The following RGS22 variants were observed in gnomAD, a reference collection of about 807,000 sequenced individuals.
RGS22 encodes regulator of G-protein signaling 22.
Under a neutral mutation model 172.9 loss-of-function variants are expected in RGS22, and 148 were observed. The ratio of observed to expected loss-of-function variants is 0.86; its 90% CI spans 0.75 to 0.98. The LOEUF (loss-of-function observed/expected upper bound fraction) is 0.98, where lower values mean the gene tolerates loss of function less well. Ranked by LOEUF, RGS22 falls within the 50% of genes least tolerant of loss-of-function variation. RGS22 has a pLI of 0.00. For missense variants in RGS22, 1,347 were observed against 1,440.8 expected (o/e 0.93, Z 1.05); for synonymous variants, 458 against 480.2 (o/e 0.95, Z 0.60).
intron 14 of RGS22, among the ~76,000 whole-genome samples, chr8:100,027,378 G>A (rs767888072): frequency 6.6e-6 from 1 of 152,084 alleles, no homozygotes; most frequent in Non-Finnish European, 1.5e-5. Flanking sequence ...AACATTACTT[G>A]GCACATAGCA....
At chr8:100,105,459 A>T in intron 1 of RGS22, 57 bp from the exon 2 acceptor site, 1 of 1,447,276 alleles carries the variant, frequency 6.9e-7, no homozygotes, top group Admixed American at 1.7e-5. Context: ...CTTTGAGTAA[A>T]TGAAATCATG....
chr8:100,017,124 C>A (rs1471392126), intron 14 of RGS22, among the ~76,000 whole-genome samples: 2 of 150,940 alleles, frequency 1.3e-5, no homozygotes, highest in African/African-American at 2.4e-5. Flanking sequence ...ACTTTCATCA[C>A]CATGCTCCAC....
At position 100,004,066 on chromosome 8, in the gene RGS22, T is replaced by A; in HGVS notation, c.2487A>T (p.Leu829Phe). Residue 829 changes from leucine to phenylalanine, a missense_variant, in exon 17 of 28, where the codon TTA (leucine) becomes TTT (phenylalanine). Physicochemically the swap from Leu to Phe is conservative, Grantham distance 22. Coordinates refer to ENST00000360863, the MANE Select transcript of RGS22 (RefSeq NM_015668.5). ...DTTCEIGTGI[L>F]SLSNVSKRTE... ...TTCGTTTAGAGACGTTAGAGAGTGATAAAATGCCAGTTCCAATTTCACAAG... is the reference window on the plus strand; with the variant it reads ...TTCGTTTAGAGACGTTAGAGAGTGAAAAAATGCCAGTTCCAATTTCACAAG... The A allele has an allele frequency of 6.2e-7, 1 of 1,603,004 alleles. No individual in the cohort carries two copies. The highest frequency in any genetic ancestry group is 8.5e-7 in the Non-Finnish European group (1 of 1,174,174).
intron 11 of RGS22, among the ~76,000 whole-genome samples, chr8:100,045,593 T>A (rs542435414): frequency 3.6e-4 from 55 of 152,184 alleles, no homozygotes; most frequent in African/African-American, 1.3e-3. Flanking sequence ...GGCACTCTTA[T>A]ACAAGCTGAA....
At chr8:100,013,135 G>A (rs1816589175) in intron 14 of RGS22, among the ~76,000 whole-genome samples, 2 of 151,872 alleles carry the variant, frequency 1.3e-5, no homozygotes, top group African/African-American at 4.8e-5. Context: ...GACTACAGGT[G>A]TCCACCACCA....
At chr8:100,071,076 AG>A (rs1214220525) in intron 6 of RGS22, among the ~76,000 whole-genome samples, 1 of 152,118 alleles carries the variant, frequency 6.6e-6, no homozygotes, top group African/African-American at 2.4e-5. Context: ...TGAGCCTAGG[AG>A]TTCGAGACCA....
chr8:99,980,081 G>A (rs1812387576), intron 22 of RGS22, among the ~76,000 whole-genome samples: 1 of 152,132 alleles, frequency 6.6e-6, no homozygotes, highest in Non-Finnish European at 1.5e-5. Flanking sequence ...GCAGTGGGAA[G>A]TATCTGAAAT....
At chr8:99,986,321 A>G (rs537448738) in intron 21 of RGS22, among the ~76,000 whole-genome samples, 10 of 152,364 alleles carry the variant, frequency 6.6e-5, no homozygotes, top group South Asian at 2.1e-4. Context: ...ATTTTACTGT[A>G]TGTTGGAAAA....
chr8:99,990,949 C>T (rs900585959), intron 20 of RGS22, among the ~76,000 whole-genome samples: 14 of 152,136 alleles, frequency 9.2e-5, no homozygotes, highest in South Asian at 6.2e-4. Flanking sequence ...CTGCAGCCTC[C>T]GCTGGTGATA....
At chr8:100,088,724 G>T (rs1030117662) in intron 3 of RGS22, among the ~76,000 whole-genome samples, 9 of 152,106 alleles carry the variant, frequency 5.9e-5, no homozygotes, top group East Asian at 5.8e-4. Context: ...TGTCCCAAGG[G>T]TATAATGGTG....
At chr8:100,060,460 A>G (rs1810043560) in intron 9 of RGS22, among the ~76,000 whole-genome samples, 2 of 148,728 alleles carry the variant, frequency 1.3e-5, no homozygotes, top group South Asian at 4.3e-4. Flanking sequence ...ACTTTATGAA[A>G]TACCAATCAT....
intron 14 of RGS22, among the ~76,000 whole-genome samples, chr8:100,017,941 A>G (rs1320132197): frequency 1.3e-5 from 2 of 152,198 alleles, no homozygotes; most frequent in Admixed American, 6.5e-5. Context: ...ACATTCAAGC[A>G]GAGATTCACT....
At chr8:100,080,464 T>C (rs185848225) in intron 3 of RGS22, 109 bp from the exon 4 acceptor site, 51 of 754,520 alleles carry the variant, frequency 6.8e-5, no homozygotes, top group Admixed American at 1.1e-4. Flanking sequence ...CAGAGTTCTG[T>C]GTTTGTAATC....
At chr8:100,052,749 T>C (rs1237198558) in intron 10 of RGS22, 53 bp downstream of exon 10, 2 of 1,482,150 alleles carry the variant, frequency 1.3e-6, no homozygotes, top group African/African-American at 1.4e-5. Context: ...CACTCAAGCA[T>C]ACATATTTTA....
chr8:100,101,512 C>T (rs908510853), intron 2 of RGS22, among the ~76,000 whole-genome samples: 1 of 140,586 alleles, frequency 7.1e-6, no homozygotes, highest in Admixed American at 7.5e-5. Context: ...CCAGGATGGT[C>T]TCGATCTCCT....
chr8:100,009,073 A>C (rs553468924), intron 14 of RGS22, among the ~76,000 whole-genome samples: 1 of 152,274 alleles, frequency 6.6e-6, no homozygotes, highest in Non-Finnish European at 1.5e-5. Flanking sequence ...TTCTGCCATT[A>C]AGTCTTTCCA....
chr8:99,996,613 G>T, intron 19 of RGS22, 83 bp from the exon 20 acceptor site: 8 of 1,127,014 alleles, frequency 7.1e-6, no homozygotes, highest in Non-Finnish European at 1.1e-5. Context: ...CTAAAAAAAT[G>T]AGATAAAGGT....
At chr8:100,061,228 C>G (rs1360435121) in intron 9 of RGS22, among the ~76,000 whole-genome samples, 1 of 152,130 alleles carries the variant, frequency 6.6e-6, no homozygotes, top group African/African-American at 2.4e-5. Context: ...CTAGGCAATA[C>G]CATTCAGGAC....
intron 7 of RGS22, among the ~76,000 whole-genome samples, chr8:100,064,421 C>T (rs1405782767): frequency 6.6e-6 from 1 of 151,940 alleles, no homozygotes; most frequent in African/African-American, 2.4e-5. Context: ...TGGGAGCATA[C>T]CACTGCACTC....
Sources: gnomAD v4.1 joint callset for allele counts (sites outside exome capture counted in the v4.1 genomes callset) on GRCh38, gnomAD v4.1.1 for gene constraint, MANE v1.5 for transcripts, NCBI Gene and HGNC (gene_info 2026-07-23, HGNC 2026-07-21) for gene names.